The following ZNF462 variants were observed in gnomAD, a reference collection of about 807,000 sequenced individuals.
ZNF462 encodes the protein zinc finger PBX1-interacting protein.
Under a neutral mutation model 201.9 loss-of-function variants are expected in ZNF462, and 10 were observed. That is an observed-to-expected ratio of 0.05 (90% CI 0.03 to 0.08). The LOEUF is 0.08. ZNF462 is among the 10% of genes least tolerant of loss of function. The probability of loss-of-function intolerance (pLI) is 1.00; values close to 1 mark genes in which losing one functional copy is unlikely to be tolerated. For missense variants in ZNF462, 2,523 were observed against 3,168.3 expected (o/e 0.80, Z 4.89); for synonymous variants, 1,227 against 1,193.3 (o/e 1.03, Z -0.58).
chr9:106,932,638 A>G lies in ZNF462; in HGVS notation c.6116+89A>G. On this transcript the variant is annotated intron_variant, in intron 5 of 12. Transcript: ENST00000277225. The surrounding 1 kb of genome is among the most constrained non-coding windows in gnomAD (Gnocchi z 6.8). ...GCTAAAGCAGAAGCTTGGATGAGTA[A>G]GAAGGCCCCACTCATGGTTCACACC... The G allele has an allele frequency of 6.5e-7, 1 of 1,536,118 alleles. No individual in the cohort carries two copies. The highest frequency in any genetic ancestry group is 1.2e-5 in the South Asian group (1 of 85,936).
chr9:106,974,422 G>A lies in ZNF462; in HGVS notation c.6832+149G>A. The A allele has an allele frequency of 7.7e-7, 1 of 1,293,942 alleles. No homozygotes were observed. The highest frequency in any genetic ancestry group is 1.2e-5 in the South Asian group (1 of 81,808). The allele number at this position is 1,293,942 out of a possible 1,614,324, so 80.2% of individuals were successfully genotyped here. A position where few individuals can be genotyped will look rare whatever the true frequency, so the allele number is the denominator to read the frequency against. On this transcript the variant is annotated intron_variant, in intron 9 of 12. Coordinates refer to ENST00000277225, the MANE Select transcript of ZNF462 (RefSeq NM_021224.6). The surrounding 1 kb of genome is among the most constrained non-coding windows in gnomAD (Gnocchi z 4.0). ...AAGAAACCACAGTGATAACCACAGT[G>A]ACAGCCAAAAGGGCAAAAACACCTT...
intron 11 of ZNF462, among the ~76,000 whole-genome samples, chr9:107,004,691 T>C (rs1357614095): frequency 6.6e-6 from 1 of 152,202 alleles, no homozygotes; most frequent in African/African-American, 2.4e-5. Context: ...AATTAACATA[T>C]GCATTACCTC....
At chr9:106,995,901 G>T (rs1343714051) in intron 10 of ZNF462, among the ~76,000 whole-genome samples, 1 of 152,122 alleles carries the variant, frequency 6.6e-6, no homozygotes, top group East Asian at 1.9e-4. Context: ...GTGCCATGTT[G>T]GTGTGCTGCA....
chr9:106,892,338 T>C lies in ZNF462; in HGVS notation c.-31+28983T>C, dbSNP rs1435825904. Among the ~76,000 whole-genome samples, 3 of 152,212 alleles carry C rather than the reference T, an allele frequency of 2.0e-5. No homozygotes were observed. In the East Asian group the frequency reaches 5.8e-4, roughly 29 times the overall value. On this transcript the variant is annotated intron_variant, in intron 1 of 12. Coordinates refer to ENST00000277225, the MANE Select transcript of ZNF462 (RefSeq NM_021224.6). Reference sequence around the variant, plus strand: ...GGTAGCTATATACGTAAGCATATCATGCAGGCTTTATTTGCTTTAGGTTTT... The same window carrying C: ...GGTAGCTATATACGTAAGCATATCACGCAGGCTTTATTTGCTTTAGGTTTT...
chr9:106,869,279 C>G (rs1827483527), intron 1 of ZNF462, among the ~76,000 whole-genome samples: 2 of 152,174 alleles, frequency 1.3e-5, no homozygotes, highest in Non-Finnish European at 2.9e-5. Flanking sequence ...CTTACTCATT[C>G]AAAATGTGCC....
At chr9:106,967,642 A>G (rs1832138443) in intron 7 of ZNF462, among the ~76,000 whole-genome samples, 1 of 152,094 alleles carries the variant, frequency 6.6e-6, no homozygotes, top group South Asian at 2.1e-4. Flanking sequence ...TCTCATTTGC[A>G]TTTGTGTATC....
At chr9:106,879,332 A>ACCCCCCCCCCCC (rs796290122) in intron 1 of ZNF462, among the ~76,000 whole-genome samples, 14 of 70,700 alleles carry the variant, frequency 2.0e-4, no homozygotes, top group East Asian at 5.9e-4. Context: ...GATGCTTTCC[A>ACCCCCCCCCCCC]CCCCCCCCCC....
Position 107,003,413 on chromosome 9 carries a change from G to C in ZNF462, c.7176G>C (p.Lys2392Asn). 1.2e-6 allele frequency: 2 copies of C among 1,613,600 alleles called. No individual in the cohort carries two copies. The highest frequency in any genetic ancestry group is 1.7e-6 in the Non-Finnish European group (2 of 1,179,740). Residue 2392 changes from lysine (K) to asparagine (N), a missense_variant, in exon 11 of 13, where the codon AAG (lysine) becomes AAC (asparagine). By Grantham distance (94) the Lys-to-Asn change is moderately conservative. Around this residue, in one of 15 missense-constraint regions of ZNF462, gnomAD observed 228 missense variants for 361.2 expected, o/e 0.63. Coordinates refer to ENST00000277225, the MANE Select transcript of ZNF462 (RefSeq NM_021224.6). This position sits in a 1 kb window ranked among gnomAD's most constrained non-coding sequence, Gnocchi z 4.4. ...DEDKEEEMNS[K>N]AEDRELMRFS... ...ACAAGGAAGAAGAAATGAACAGCAA[G>C]GCTGAAGACAGAGGTTAGTCTCATC...
chr9:106,899,237 TGTG>T lies in ZNF462; in HGVS notation c.-30-24115_-30-24113del, dbSNP rs1310633156. Among the ~76,000 whole-genome samples, 222 of 32,100 alleles carry T rather than the reference TGTG, an allele frequency of 6.9e-3. 1 individual carries two copies. Among genetic ancestry groups the T allele is most frequent in the African/African-American group, 0.026 (210 of 8,102 alleles). 21.1% of individuals were successfully genotyped at this position (32,100 alleles called of 152,430 possible). A position where few individuals can be genotyped will look rare whatever the true frequency, so the allele number is the denominator to read the frequency against. The stretch of plus-strand genomic sequence containing the variant: ...GAGAATGTGTGTGTATGTGTGTGTG[TGTG>T]GGGGGGGGGGGGTGTGTGCATGCAT... On this transcript the variant is annotated intron_variant, in intron 1 of 12. Transcript: ENST00000277225.
Position 106,974,083 on chromosome 9 carries a change from A to G in ZNF462, c.6696-54A>G. 2 of 1,607,836 alleles carry G rather than the reference A, an allele frequency of 1.2e-6. No homozygotes were observed. Among genetic ancestry groups the G allele is most frequent in the Admixed American group, 3.3e-5 (2 of 59,768 alleles). On this transcript the variant is annotated intron_variant, in intron 8 of 12. Transcript: ENST00000277225. This position sits in a 1 kb window ranked among gnomAD's most constrained non-coding sequence, Gnocchi z 4.0. ...CGGGTTTGCCAGCAGGAAATGTGAA[A>G]ATGCAATGATCCCTGGTTACACGCA... is the stretch of plus-strand genomic sequence containing the variant.
intron 7 of ZNF462, among the ~76,000 whole-genome samples, chr9:106,949,230 A>G (rs1332439419): frequency 6.6e-6 from 1 of 152,204 alleles, no homozygotes; most frequent in African/African-American, 2.4e-5. Flanking sequence ...CTGTGTCTCC[A>G]GCTAAACTGT....
chr9:106,999,123 T>C (rs2417761), intron 10 of ZNF462, among the ~76,000 whole-genome samples: 41,460 of 152,076 alleles, frequency 0.27, 8,774 homozygotes, highest in African/African-American at 0.6. Flanking sequence ...TGGAAGGAGC[T>C]GGGTTCTAAA....
Position 106,926,770 on chromosome 9 carries a change from T to C in ZNF462, c.2858T>C (p.Ile953Thr), listed in dbSNP as rs1182317877. ...HYQRMHPTVK[I>T]NNAMIFSSYV... ...CAAAGAATGCATCCCACGGTGAAGATCAACAACGCGATGATATTTTCAAGC... is the reference window on the plus strand; with the variant it reads ...CAAAGAATGCATCCCACGGTGAAGACCAACAACGCGATGATATTTTCAAGC... The change falls in exon 3 of 13, where the codon ATC becomes ACC. Residue 953 changes from isoleucine (I) to threonine (T), a missense_variant. Physicochemically the swap from Ile to Thr is moderately conservative, Grantham distance 89. This residue lies in a region of ZNF462 where 280 missense variants were observed against 321.3 expected (regional missense o/e 0.87). Transcript: ENST00000277225. This position sits in a 1 kb window ranked among gnomAD's most constrained non-coding sequence, Gnocchi z 7.9. 6 of 1,613,928 alleles carry C rather than the reference T, an allele frequency of 3.7e-6. No individual in the cohort carries two copies. Among genetic ancestry groups the C allele is most frequent in the African/African-American group, 1.3e-5 (1 of 74,868 alleles).
chr9:106,959,870 A>G (rs1201583022), intron 7 of ZNF462, among the ~76,000 whole-genome samples: 1 of 152,096 alleles, frequency 6.6e-6, no homozygotes, highest in Non-Finnish European at 1.5e-5. Flanking sequence ...TGAATCCAGC[A>G]TCACTGGGCA....
In ZNF462 at chr9:106,950,958, C is replaced by T. The variant is rs1023119107; in HGVS notation, c.6427+11851C>T. On this transcript the variant is annotated intron_variant, in intron 7 of 12. Coordinates refer to ENST00000277225, the MANE Select transcript of ZNF462 (RefSeq NM_021224.6). This position sits in a 1 kb window ranked among gnomAD's most constrained non-coding sequence, Gnocchi z 4.1. ...TACAAAAATTAGCCAGGCTTGGTGG[C>T]GAGCGCCTGTAATTCCAGCCACTCC... 2.6e-5 allele frequency among the ~76,000 whole-genome samples: 4 copies of T among 151,876 alleles called. No homozygotes were observed. The highest frequency in any genetic ancestry group is 4.2e-4 in the South Asian group (2 of 4,812).
chr9:106,983,100 C>A (rs187010296), intron 9 of ZNF462, among the ~76,000 whole-genome samples: 2 of 152,294 alleles, frequency 1.3e-5, no homozygotes, highest in African/African-American at 2.4e-5. Flanking sequence ...GCATAAATAG[C>A]ACAGATTTTA....
At chr9:106,863,983 C>T (rs971963966) in intron 1 of ZNF462, among the ~76,000 whole-genome samples, 1 of 151,992 alleles carries the variant, frequency 6.6e-6, no homozygotes, top group African/African-American at 2.4e-5. Flanking sequence ...CTGCCTGTCC[C>T]CCGCCCGATG....
At chr9:106,986,645 G>A (rs549552277) in intron 10 of ZNF462, among the ~76,000 whole-genome samples, 7 of 152,102 alleles carry the variant, frequency 4.6e-5, no homozygotes, top group Middle Eastern at 3.4e-3. Context: ...TGAGTATTGC[G>A]ATACAAGTGG....
intron 7 of ZNF462, among the ~76,000 whole-genome samples, chr9:106,952,460 C>T (rs1831394533): frequency 6.6e-6 from 1 of 152,208 alleles, no homozygotes; most frequent in African/African-American, 2.4e-5. Flanking sequence ...AATTTCACAT[C>T]TAGCCTCAAG....
Sources: gnomAD v4.1 joint callset for allele counts (sites outside exome capture counted in the v4.1 genomes callset) on GRCh38, gnomAD v4.1.1 for gene constraint, gnomAD v4.1.1 regional missense constraint, Gnocchi (gnomAD v3.1) non-coding constraint, MANE v1.5 for transcripts, NCBI Gene and HGNC (gene_info 2026-07-23, HGNC 2026-07-21) for gene names.